UBR1: variants seen among roughly 807,000 people sequenced by gnomAD.
UBR1 encodes the protein ubiquitin protein ligase E3 component n-recognin 1, also known as E3 ubiquitin-protein ligase UBR1.
A neutral mutation model predicts 242.1 loss-of-function variants in UBR1; 102 were observed. That is an observed-to-expected ratio of 0.42 (90% confidence interval 0.36 to 0.50). The LOEUF (loss-of-function observed/expected upper bound fraction) is 0.50. Among genes scored for constraint, UBR1 ranks in the 20% least tolerant of loss-of-function variants. The pLI, the probability that UBR1 is intolerant of heterozygous loss-of-function variation, is 0.01. For missense variants in UBR1, 1,772 were observed against 2,101.8 expected (o/e 0.84, Z 3.07); for synonymous variants, 675 against 684.8 (o/e 0.99, Z 0.22).
chr15:42,946,328 A>G (rs1430159882), intron 46 of UBR1, among the ~76,000 whole-genome samples: 1 of 152,044 alleles, frequency 6.6e-6, no homozygotes, highest in East Asian at 1.9e-4. Context: ...GGGTTTCACA[A>G]TGTTGGCCAG....
At chr15:42,955,199 A>T (rs933185291) in intron 44 of UBR1, among the ~76,000 whole-genome samples, 1 of 152,122 alleles carries the variant, frequency 6.6e-6, no homozygotes, top group African/African-American at 2.4e-5. Flanking sequence ...AAACAAATTT[A>T]AACTGCACTC....
At chr15:42,967,138 G>A (rs980636799) in intron 40 of UBR1, among the ~76,000 whole-genome samples, 1 of 150,400 alleles carries the variant, frequency 6.6e-6, no homozygotes, top group African/African-American at 2.4e-5. Context: ...GGATGGTTTC[G>A]AACTCCTGAC....
rs559634645 is a variant in UBR1, at chr15:43,011,353, TAAAG to T, written c.3210-4073_3210-4070del. 2.8e-3 allele frequency among the ~76,000 whole-genome samples: 420 copies of T among 152,282 alleles called. 1 individual carries two copies. Among genetic ancestry groups the T allele is most frequent in the African/African-American group, 9.8e-3 (407 of 41,554 alleles). On this transcript the variant is annotated intron_variant, in intron 29 of 46. Transcript: ENST00000290650. ...TATGGCTAAACCCCATAATTAATGT[TAAAG>T]AAACAGGGACAAAATATGGTAAACA... is the stretch of plus-strand genomic sequence containing the variant.
chr15:43,022,929 C>A, intron 25 of UBR1, 128 bp from the exon 26 acceptor site: 1 of 572,238 alleles, frequency 1.7e-6, no homozygotes, highest in Non-Finnish European at 3.1e-6. Context: ...GTGGGGCAAT[C>A]CTAGCTTACT....
At chr15:42,954,927 G>C (rs1009618954) in intron 44 of UBR1, among the ~76,000 whole-genome samples, 2 of 152,050 alleles carry the variant, frequency 1.3e-5, no homozygotes, top group African/African-American at 4.8e-5. Context: ...CCAGCACTTT[G>C]AGAGGCTGAA....
chr15:42,950,238 C>T (rs376075757), intron 46 of UBR1, 24 bp downstream of exon 46: 259 of 1,583,076 alleles, frequency 1.6e-4, no homozygotes, highest in Non-Finnish European at 2.1e-4. Context: ...CTGAAACCTT[C>T]CTATTATATA....
chr15:42,958,762 T>C lies in UBR1; in HGVS notation c.4758-672A>G, dbSNP rs768535186. Reference sequence around the variant, plus strand: ...ACAATAAAAGCCTTGCTTGCATGTATTGGGGAAGATCATCTGAATAATGTG... The same window carrying C: ...ACAATAAAAGCCTTGCTTGCATGTACTGGGGAAGATCATCTGAATAATGTG... On this transcript the variant is annotated intron_variant, in intron 43 of 46. Transcript: ENST00000290650. Among the ~76,000 whole-genome samples the C allele has an allele frequency of 8.5e-5, 13 of 152,314 alleles. 1 individual carries two copies. Among genetic ancestry groups the C allele is most frequent in the Admixed American group, 5.9e-4 (9 of 15,296 alleles).
chr15:43,086,181 C>A lies in UBR1; in HGVS notation c.141G>T (p.Val47=). Residue 47 remains valine (V), a synonymous_variant, in exon 2 of 47, where the codon GTG becomes GTT. Coordinates refer to ENST00000290650, the MANE Select transcript of UBR1 (RefSeq NM_174916.3). The stretch of plus-strand genomic sequence containing the variant: ...CCATTTCAGCAAAGTAAATTTCTGG[C>A]ACCAATTGTGCCAAATGATGCAAGA... ...TAFLHHLAQL[V]PEIYFAEMDP... 1 of 1,613,996 alleles carries A rather than the reference C, an allele frequency of 6.2e-7. No homozygotes were observed. Among genetic ancestry groups the A allele is most frequent in the Non-Finnish European group, 8.5e-7 (1 of 1,179,994 alleles).
chr15:43,046,235 G>A (rs530546738), intron 14 of UBR1, among the ~76,000 whole-genome samples: 3 of 152,338 alleles, frequency 2.0e-5, no homozygotes, highest in African/African-American at 7.2e-5. Context: ...AGTATTTCCT[G>A]TGGTGATTGT....
chr15:43,077,679 A>T (rs915463742), intron 3 of UBR1, among the ~76,000 whole-genome samples: 4 of 150,830 alleles, frequency 2.7e-5, no homozygotes, highest in African/African-American at 9.8e-5. Flanking sequence ...AAAAAAAATA[A>T]AAATAAAAAT....
At chr15:43,034,880 G>A (rs994165719) in intron 19 of UBR1, among the ~76,000 whole-genome samples, 2 of 124,360 alleles carry the variant, frequency 1.6e-5, no homozygotes, top group African/African-American at 3.2e-5. Context: ...AGAGCAAAAC[G>A]CCATCTCCAA....
At chr15:43,084,821 C>G (rs1041150923) in intron 2 of UBR1, among the ~76,000 whole-genome samples, 1 of 152,208 alleles carries the variant, frequency 6.6e-6, no homozygotes, top group South Asian at 2.1e-4. Flanking sequence ...CAACTGTTAA[C>G]TGTACATAAA....
chr15:43,013,965 T>C (rs931864766), intron 29 of UBR1, among the ~76,000 whole-genome samples: 2 of 151,420 alleles, frequency 1.3e-5, no homozygotes, highest in Non-Finnish European at 2.9e-5. Flanking sequence ...CCATCTCGGC[T>C]CACTGCAACC....
Position 42,952,313 on chromosome 15 carries a change from T to C in UBR1, c.4971A>G (p.Ala1657=). The change falls in exon 45 of 47, where the codon GCA becomes GCG. Residue 1657 remains alanine (A), a synonymous_variant. Coordinates refer to ENST00000290650, the MANE Select transcript of UBR1 (RefSeq NM_174916.3). ...GEEVGACIFH[A]LHCGAGVCIF... ...TGCAGACTCCGGCTCCACAGTGAAG[T>C]GCGTGAAAAATGCAAGCTCCAACCT... The C allele has an allele frequency of 6.2e-7, 1 of 1,614,152 alleles. No individual in the cohort carries two copies. The highest frequency in any genetic ancestry group is 8.5e-7 in the Non-Finnish European group (1 of 1,180,022).
At chr15:43,058,063 C>T (rs1200959822) in intron 10 of UBR1, among the ~76,000 whole-genome samples, 1 of 151,988 alleles carries the variant, frequency 6.6e-6, no homozygotes, top group Non-Finnish European at 1.5e-5. Context: ...GCACCTGCCA[C>T]CATGCCTGGC....
At chr15:42,992,216 C>T (rs2032567137) in intron 33 of UBR1, among the ~76,000 whole-genome samples, 1 of 152,188 alleles carries the variant, frequency 6.6e-6, no homozygotes, top group Non-Finnish European at 1.5e-5. Context: ...TTAAGGCTAA[C>T]TAGCTGCTTT....
intron 1 of UBR1, among the ~76,000 whole-genome samples, chr15:43,100,180 G>A (rs959628997): frequency 1.3e-5 from 2 of 152,078 alleles, no homozygotes; most frequent in African/African-American, 4.8e-5. Context: ...AGGCCAAGAG[G>A]TGCCTTTAAC....
At chr15:43,078,096 C>G (rs1479752410) in intron 3 of UBR1, among the ~76,000 whole-genome samples, 1 of 152,134 alleles carries the variant, frequency 6.6e-6, no homozygotes, top group Non-Finnish European at 1.5e-5. Context: ...TACAGAGGTG[C>G]AGAGGACTTA....
intron 4 of UBR1, 68 bp downstream of exon 4, chr15:43,074,911 C>G (rs573795681): frequency 1.6e-6 from 2 of 1,279,192 alleles, no homozygotes; most frequent in Admixed American, 3.4e-5. Context: ...ATACACATAA[C>G]ATTTATTCTT....
Sources: allele counts gnomAD v4.1 joint callset (sites outside exome capture counted in the v4.1 genomes callset), GRCh38; gene constraint gnomAD v4.1.1; transcripts MANE v1.5; gene names NCBI Gene and HGNC (gene_info 2026-07-23, HGNC 2026-07-21).